ROBO2: variants seen among roughly 807,000 people sequenced by gnomAD.
ROBO2 encodes the protein roundabout guidance receptor 2.
ROBO2 carries 53 observed loss-of-function variants against 160.8 expected under a neutral mutation model. That is an observed-to-expected ratio of 0.33 (90% confidence interval 0.26 to 0.41). The LOEUF (loss-of-function observed/expected upper bound fraction) is 0.41, where lower values mean the gene tolerates loss of function less well. Among genes scored for constraint, ROBO2 ranks in the 10% least tolerant of loss-of-function variants. The pLI, the probability that ROBO2 is intolerant of heterozygous loss-of-function variation, is 1.00. For missense variants in ROBO2, 1,577 were observed against 1,722.4 expected, an observed-to-expected ratio of 0.92 and a Z score of 1.49; for synonymous variants, 664 against 611.7, an observed-to-expected ratio of 1.09 and a Z score of -1.26.
intron 2 of ROBO2, among the ~76,000 whole-genome samples, chr3:77,265,425 C>T (rs926994692): frequency 7.2e-5 from 11 of 152,034 alleles, no homozygotes; most frequent in Non-Finnish European, 1.5e-4. Flanking sequence ...AGTTTATATG[C>T]CTTGATATAA....
chr3:77,078,940 T>TATTG (rs1188647576), intron 1 of ROBO2, among the ~76,000 whole-genome samples: 5 of 152,146 alleles, frequency 3.3e-5, no homozygotes, highest in South Asian at 4.1e-4. Context: ...TTAATTATTT[T>TATTG]ATTGATTGAT....
intron 2 of ROBO2, among the ~76,000 whole-genome samples, chr3:76,932,135 G>A (rs1481141910): frequency 6.6e-6 from 1 of 151,946 alleles, no homozygotes; most frequent in Admixed American, 6.6e-5. Context: ...AAAAAAAATG[G>A]CATATAAAAA....
chr3:76,697,537 C>T (rs903734030), intron 2 of ROBO2, among the ~76,000 whole-genome samples: 1 of 152,120 alleles, frequency 6.6e-6, no homozygotes, highest in Admixed American at 6.5e-5. Context: ...GTCCCAGCTA[C>T]TCAGGAGGTG....
intron 1 of ROBO2, among the ~76,000 whole-genome samples, chr3:77,051,824 G>A (rs1007875620): frequency 9.9e-5 from 15 of 152,214 alleles, no homozygotes; most frequent in African/African-American, 3.6e-4. Context: ...GGGAGGGGAC[G>A]AAAGAGTGTG....
intron 2 of ROBO2, among the ~76,000 whole-genome samples, chr3:77,003,585 G>A (rs1161691775): frequency 6.6e-6 from 1 of 152,092 alleles, no homozygotes; most frequent in African/African-American, 2.4e-5. Flanking sequence ...TTTTGAGACA[G>A]AGTCTCACTC....
intron 2 of ROBO2, among the ~76,000 whole-genome samples, chr3:76,163,021 A>G (rs2072698132): frequency 6.6e-6 from 1 of 152,190 alleles, no homozygotes; most frequent in South Asian, 2.1e-4. Flanking sequence ...CTTGAACATA[A>G]GAGAAAAAGA....
In ROBO2 at chr3:77,287,076, A is replaced by G. The variant is rs138777527; in HGVS notation, c.388+188736A>G. Among the ~76,000 whole-genome samples, 410 of 152,332 alleles carry G rather than the reference A, an allele frequency of 2.7e-3. 1 individual carries two copies. The highest frequency in any genetic ancestry group is 9.2e-3 in the African/African-American group (384 of 41,580). ...GCTTATTAGACAAAGTGCAAAAAGC[A>G]TTACATCTGGAGTTCATAAGCCATT... On this transcript the variant is annotated intron_variant, in intron 2 of 25. Transcript: ENST00000461745.
At chr3:76,325,743 G>C (rs2072963426) in intron 2 of ROBO2, among the ~76,000 whole-genome samples, 1 of 151,800 alleles carries the variant, frequency 6.6e-6, no homozygotes, top group South Asian at 2.1e-4. Flanking sequence ...ACCCTGTTTT[G>C]ATATTGTTAA....
At chr3:77,565,426 A>G (rs1168323223) in intron 12 of ROBO2, among the ~76,000 whole-genome samples, 1 of 152,116 alleles carries the variant, frequency 6.6e-6, no homozygotes, top group Non-Finnish European at 1.5e-5. Flanking sequence ...CTTTAAAATT[A>G]ATTACACAAT....
intron 2 of ROBO2, among the ~76,000 whole-genome samples, chr3:76,600,634 A>G (rs1456590388): frequency 6.6e-6 from 1 of 152,148 alleles, no homozygotes; most frequent in Admixed American, 6.5e-5. Flanking sequence ...ACAGTGCAGG[A>G]AAGGCCCACC....
chr3:76,769,927 T>C (rs770430346), intron 2 of ROBO2, among the ~76,000 whole-genome samples: 5 of 151,450 alleles, frequency 3.3e-5, no homozygotes, highest in Non-Finnish European at 7.4e-5. Flanking sequence ...ATTCCTGCAG[T>C]CTCTCTTAAA....
rs116244736 is a variant in ROBO2, at chr3:77,075,331, C to T, written c.62-22683C>T. Reference sequence around the variant, plus strand: ...GATGAAAATACTGATGAATTTCAGTCATTGAGGCAATTGGGAACTTCAGTA... The same window carrying T: ...GATGAAAATACTGATGAATTTCAGTTATTGAGGCAATTGGGAACTTCAGTA... On this transcript the variant is annotated intron_variant, in intron 1 of 25. Coordinates refer to ENST00000461745, the Ensembl canonical transcript of ROBO2. 4.3e-3 allele frequency among the ~76,000 whole-genome samples: 657 copies of T among 152,200 alleles called. 6 individuals are homozygous for T. Among genetic ancestry groups the T allele is most frequent in the African/African-American group, 0.014 (587 of 41,552 alleles).
In ROBO2 at chr3:77,180,388, TTCTC is replaced by T. The variant is rs369947015; in HGVS notation, c.388+82074_388+82077del. 5.3e-3 allele frequency among the ~76,000 whole-genome samples: 531 copies of T among 99,454 alleles called. 4 individuals carry two copies. The highest frequency in any genetic ancestry group is 0.011 in the Middle Eastern group (1 of 92). The allele number at this position is 99,454 out of a possible 152,430, so 65.2% of individuals were successfully genotyped here. ...AAATGTTTCTAAACTACCTTTTGAA[TTCTC>T]TCTCTCTCTCTCTCTCTCTCTCTCT... is the stretch of plus-strand genomic sequence containing the variant. On this transcript the variant is annotated intron_variant, in intron 2 of 25. Transcript: ENST00000461745.
intron 2 of ROBO2, among the ~76,000 whole-genome samples, chr3:76,398,732 T>G (rs536067101): frequency 4.0e-4 from 61 of 151,586 alleles, no homozygotes; most frequent in Non-Finnish European, 7.7e-4. Context: ...AATATACTAT[T>G]AAGTTTAGTA....
chr3:76,797,376 A>G (rs1432549266), intron 2 of ROBO2, among the ~76,000 whole-genome samples: 1 of 152,102 alleles, frequency 6.6e-6, no homozygotes, highest in Non-Finnish European at 1.5e-5. Flanking sequence ...AAATTTACAA[A>G]TTTCCTGACA....
chr3:77,192,674 GAC>G (rs140211159), intron 2 of ROBO2, among the ~76,000 whole-genome samples: 25,187 of 96,184 alleles, frequency 0.26, 2,776 homozygotes, highest in Middle Eastern at 0.43. Flanking sequence ...TTTTTTTTGA[GAC>G]AGAGTCTCAC....
intron 2 of ROBO2, among the ~76,000 whole-genome samples, chr3:76,404,250 A>G (rs2108780777): frequency 6.6e-6 from 1 of 151,788 alleles, no homozygotes; most frequent in African/African-American, 2.4e-5. Context: ...TGTATATATT[A>G]TTTAGTTTAT....
intron 2 of ROBO2, among the ~76,000 whole-genome samples, chr3:76,130,315 G>A (rs2071177558): frequency 6.6e-6 from 1 of 152,044 alleles, no homozygotes; most frequent in South Asian, 2.1e-4. Flanking sequence ...ATTTGTAATG[G>A]TAAAACAATA....
chr3:76,538,693 T>C (rs950178468), intron 2 of ROBO2, among the ~76,000 whole-genome samples: 5 of 152,192 alleles, frequency 3.3e-5, no homozygotes, highest in African/African-American at 1.2e-4. Context: ...CACTGTGTTA[T>C]TGAGCATAGT....
Sources: allele counts gnomAD v4.1 joint callset (sites outside exome capture counted in the v4.1 genomes callset), GRCh38; gene constraint gnomAD v4.1.1; transcripts MANE v1.5; gene names NCBI Gene and HGNC (gene_info 2026-07-23, HGNC 2026-07-21).